RERE: variants seen among roughly 807,000 people sequenced by gnomAD.
RERE encodes the protein arginine-glutamic acid dipeptide repeats, also known as arginine-glutamic acid dipeptide repeats protein.
Under a neutral mutation model 146.1 loss-of-function variants are expected in RERE, and 40 were observed. That is an observed-to-expected ratio of 0.27 (90% CI 0.21 to 0.36). The LOEUF (loss-of-function observed/expected upper bound fraction) is 0.36, where lower values mean the gene tolerates loss of function less well. Among genes scored for constraint, RERE ranks in the 10% least tolerant of loss-of-function variants. RERE has a pLI of 1.00. For synonymous variants in RERE, 1,003 were observed against 866.0 expected (o/e 1.16, Z -2.78); for missense variants, 1,933 against 2,138.7 (o/e 0.90, Z 1.90).
At chr1:8,413,182 G>A (rs1242909940) in intron 12 of RERE, among the ~76,000 whole-genome samples, 1 of 152,062 alleles carries the variant, frequency 6.6e-6, no homozygotes, top group Non-Finnish European at 1.5e-5. Context: ...GACTCTAAGG[G>A]TGCCATAAAG....
chr1:8,543,875 C>T (rs776769595), intron 6 of RERE, among the ~76,000 whole-genome samples: 5 of 152,210 alleles, frequency 3.3e-5, no homozygotes, highest in Non-Finnish European at 7.4e-5. Context: ...TTTTTCTCTA[C>T]CATCAAGCCC....
rs1476006003 is a variant in RERE at position 8,362,821 on chromosome 1, C to G, written c.1764G>C (p.Arg588=). The part of the protein sequence containing the change: ...RGSMSTLRSG[R]KKQPASPDGR... Reference sequence around the variant, plus strand: ...CATCAGGGCTGGCTGGCTGCTTCTTCCGACCACTGCGTAGTGTCGACATCT... The same window carrying G: ...CATCAGGGCTGGCTGGCTGCTTCTTGCGACCACTGCGTAGTGTCGACATCT... Residue 588 remains arginine (R), a synonymous_variant, in exon 16 of 23, where the codon CGG becomes CGC. Transcript: ENST00000400908. 7 of 1,613,790 alleles carry G rather than the reference C, an allele frequency of 4.3e-6. No individual in the cohort carries two copies. The highest frequency in any genetic ancestry group is 5.9e-6 in the Non-Finnish European group (7 of 1,179,928).
intron 1 of RERE, among the ~76,000 whole-genome samples, chr1:8,698,126 A>C (rs1356061184): frequency 2.0e-5 from 3 of 152,244 alleles, no homozygotes; most frequent in African/African-American, 7.2e-5. Flanking sequence ...AAAGCTGGTG[A>C]GTAAAACAAA....
chr1:8,527,340 G>GA (rs1645582382), intron 7 of RERE, among the ~76,000 whole-genome samples: 1 of 151,818 alleles, frequency 6.6e-6, no homozygotes, highest in Non-Finnish European at 1.5e-5. Flanking sequence ...ACAGTCTAGA[G>GA]AAAAATACTT....
At chr1:8,438,110 A>G (rs542059219) in intron 11 of RERE, among the ~76,000 whole-genome samples, 1 of 152,280 alleles carries the variant, frequency 6.6e-6, no homozygotes, top group South Asian at 2.1e-4. Flanking sequence ...CCTCCCAAGT[A>G]GGTCAGACTA....
At chr1:8,545,982 C>CTTTTT (rs3050828) in intron 6 of RERE, among the ~76,000 whole-genome samples, 2,964 of 69,418 alleles carry the variant, frequency 0.043, 383 homozygotes, top group Middle Eastern at 0.087. Flanking sequence ...CATACCCAGT[C>CTTTTT]TTTTTTTTTT....
rs145747113 is a variant in RERE at position 8,489,564 on chromosome 1, T to C, written c.1104+5499A>G. Among the ~76,000 whole-genome samples the C allele has an allele frequency of 3.0e-3, 450 of 151,814 alleles. 3 individuals are homozygous for C. The highest frequency in any genetic ancestry group is 0.01 in the African/African-American group (429 of 41,402). On this transcript the variant is annotated intron_variant, in intron 10 of 22. Transcript: ENST00000400908. ...CAAAAAAAGATAAACAAATGGGCAA[T>C]AAAACAGGAAAAGATGCTCAACCCT...
chr1:8,708,905 GTTT>G lies in RERE; in HGVS notation c.-144-52467_-144-52465del, dbSNP rs35403792. On this transcript the variant is annotated intron_variant, in intron 1 of 22. Transcript: ENST00000400908. ...GTCACTAGACAACAAAAACTCTGGA[GTTT>G]TTTTTTTTTTTTTTTTTTTTTTGAG... Among the ~76,000 whole-genome samples, 413 of 72,258 alleles carry G rather than the reference GTTT, an allele frequency of 5.7e-3. 1 individual carries two copies. Among genetic ancestry groups the G allele is most frequent in the Admixed American group, 0.025 (131 of 5,178 alleles). 47.4% of individuals were successfully genotyped at this position (72,258 alleles called of 152,430 possible).
chr1:8,533,994 C>T (rs965595500), intron 7 of RERE, among the ~76,000 whole-genome samples: 5 of 152,194 alleles, frequency 3.3e-5, no homozygotes, highest in African/African-American at 1.2e-4. Context: ...TATTTTCCAT[C>T]TCAGGTAAAT....
At chr1:8,760,582 G>C (rs1036778729) in intron 1 of RERE, among the ~76,000 whole-genome samples, 4 of 152,140 alleles carry the variant, frequency 2.6e-5, no homozygotes, top group African/African-American at 9.7e-5. Flanking sequence ...ACTGAATTTG[G>C]ACAGGCTTTT....
At chr1:8,372,659 G>A (rs775612051) in intron 12 of RERE, among the ~76,000 whole-genome samples, 1 of 152,164 alleles carries the variant, frequency 6.6e-6, no homozygotes, top group Non-Finnish European at 1.5e-5. Flanking sequence ...ACAGTTTTAC[G>A]ACCAACAGCA....
At chr1:8,653,514 T>C (rs1170308779) in intron 2 of RERE, among the ~76,000 whole-genome samples, 5 of 151,908 alleles carry the variant, frequency 3.3e-5, no homozygotes, top group African/African-American at 9.7e-5. Flanking sequence ...GAGACCACGG[T>C]GAAACCCCGT....
intron 1 of RERE, among the ~76,000 whole-genome samples, chr1:8,736,639 C>G (rs542399081): frequency 6.6e-6 from 1 of 152,150 alleles, no homozygotes; most frequent in Admixed American, 6.5e-5. Context: ...GTTTGTTACC[C>G]TTGGCTTATA....
At chr1:8,443,968 G>T (rs1304282240) in intron 11 of RERE, among the ~76,000 whole-genome samples, 1 of 152,338 alleles carries the variant, frequency 6.6e-6, no homozygotes, top group African/African-American at 2.4e-5. Flanking sequence ...ACTCTACTAG[G>T]GCAGTGTAGA....
intron 1 of RERE, among the ~76,000 whole-genome samples, chr1:8,726,995 G>A (rs1639982561): frequency 1.3e-5 from 2 of 152,186 alleles, no homozygotes; most frequent in South Asian, 2.1e-4. Flanking sequence ...TAGTAGAGAC[G>A]GGTTTTCACC....
intron 1 of RERE, among the ~76,000 whole-genome samples, chr1:8,667,286 T>C (rs1638598226): frequency 6.6e-6 from 1 of 152,126 alleles, no homozygotes; most frequent in African/African-American, 2.4e-5. Context: ...TAAGAAACGA[T>C]ATATAATCTT....
chr1:8,598,399 G>A (rs1291958100), intron 4 of RERE, among the ~76,000 whole-genome samples: 3 of 152,138 alleles, frequency 2.0e-5, no homozygotes, highest in Non-Finnish European at 4.4e-5. Flanking sequence ...GGGCATTCCC[G>A]GCCCTCCAGC....
intron 10 of RERE, among the ~76,000 whole-genome samples, chr1:8,480,510 A>G (rs1376018641): frequency 6.7e-6 from 1 of 149,242 alleles, no homozygotes; most frequent in Non-Finnish European, 1.5e-5. Context: ...ATCTCGGCTC[A>G]CTGCAAACTC....
intron 1 of RERE, among the ~76,000 whole-genome samples, chr1:8,765,938 G>A (rs1166736666): frequency 6.0e-5 from 9 of 150,976 alleles, no homozygotes; most frequent in Non-Finnish European, 1.0e-4. Context: ...GCGACAGAGC[G>A]AGACTCCGTC....
Sources: gnomAD v4.1 joint callset for allele counts (sites outside exome capture counted in the v4.1 genomes callset) on GRCh38, gnomAD v4.1.1 for gene constraint, MANE v1.5 for transcripts, NCBI Gene and HGNC (gene_info 2026-07-23, HGNC 2026-07-21) for gene names.